CDH18: variants seen among roughly 807,000 people sequenced by gnomAD.
CDH18 encodes cadherin 18, also known as cadherin-18.
CDH18 carries 31 observed loss-of-function variants against 67.9 expected under a neutral mutation model. That is an observed-to-expected ratio of 0.46 (90% CI 0.34 to 0.62). CDH18 has a LOEUF of 0.62. Ranked by LOEUF, CDH18 falls within the 20% of genes least tolerant of loss-of-function variation. The pLI is 0.01. For synonymous variants in CDH18, 362 were observed against 347.2 expected (o/e 1.04, Z -0.48); for missense variants, 890 against 975.5 (o/e 0.91, Z 1.17).
intron 11 of CDH18, among the ~76,000 whole-genome samples, chr5:19,494,738 AT>A (rs1742008122): frequency 6.6e-6 from 1 of 152,206 alleles, no homozygotes. Flanking sequence ...TTCCTCCAAC[AT>A]AGTAAGGGAT....
intron 2 of CDH18, among the ~76,000 whole-genome samples, chr5:19,969,307 C>T (rs1443042690): frequency 7.1e-6 from 1 of 141,520 alleles, no homozygotes; most frequent in Non-Finnish European, 1.5e-5. Flanking sequence ...GGATCTAGAA[C>T]TAGAAATACC....
chr5:20,127,718 G>A lies in CDH18; in HGVS notation c.-518+127726C>T, dbSNP rs1459945703. On this transcript the variant is annotated intron_variant, in intron 2 of 14. Transcript: ENST00000507958. ...CAAATGGGTAGCTGCTGTTCAGTGA[G>A]TATAAAGTTTCAATCATGCAAGATG... Among the ~76,000 whole-genome samples the A allele has an allele frequency of 1.3e-5, 2 of 152,098 alleles. 1 individual carries two copies. Among genetic ancestry groups the A allele is most frequent in the African/African-American group, 4.8e-5 (2 of 41,382 alleles).
At chr5:19,710,633 C>T (rs1374793663) in intron 5 of CDH18, among the ~76,000 whole-genome samples, 1 of 151,774 alleles carries the variant, frequency 6.6e-6, no homozygotes, top group Non-Finnish European at 1.5e-5. Flanking sequence ...ATAGAAGTAG[C>T]AAAATAAAAA....
At chr5:20,448,045 G>A (rs1045597443) in intron 1 of CDH18, among the ~76,000 whole-genome samples, 5 of 151,528 alleles carry the variant, frequency 3.3e-5, no homozygotes, top group African/African-American at 1.2e-4. Flanking sequence ...AATGCTATCC[G>A]TCCCCTCTCC....
intron 1 of CDH18, among the ~76,000 whole-genome samples, chr5:20,444,440 G>A (rs535286868): frequency 6.6e-6 from 1 of 152,302 alleles, no homozygotes; most frequent in East Asian, 1.9e-4. Flanking sequence ...GGAGGCTGAT[G>A]AGGGGAAAAT....
chr5:19,857,591 A>G (rs1581670827), intron 2 of CDH18, among the ~76,000 whole-genome samples: 1 of 152,148 alleles, frequency 6.6e-6, no homozygotes, highest in Non-Finnish European at 1.5e-5. Flanking sequence ...TCAGACTAGT[A>G]GGGAAGTAGC....
At chr5:20,525,046 T>C (rs1755967335) in intron 1 of CDH18, among the ~76,000 whole-genome samples, 2 of 152,188 alleles carry the variant, frequency 1.3e-5, no homozygotes, top group Non-Finnish European at 2.9e-5. Context: ...GCGAACTTAT[T>C]CCCTGTTTAG....
At chr5:20,095,392 G>GA (rs1745839859) in intron 2 of CDH18, among the ~76,000 whole-genome samples, 1 of 64,126 alleles carries the variant, frequency 1.6e-5, no homozygotes, top group Non-Finnish European at 3.0e-5. Context: ...AAGAGAAACA[G>GA]AAGAAAGAAA....
At chr5:20,363,763 G>A (rs1035743032) in intron 1 of CDH18, among the ~76,000 whole-genome samples, 33 of 150,880 alleles carry the variant, frequency 2.2e-4, no homozygotes, top group Admixed American at 1.9e-3. Flanking sequence ...GCATTGGTAA[G>A]TATCTGTATT....
intron 2 of CDH18, among the ~76,000 whole-genome samples, chr5:20,203,901 G>A (rs779935482): frequency 1.3e-5 from 2 of 151,842 alleles, no homozygotes; most frequent in Non-Finnish European, 2.9e-5. Context: ...GGATCAAGCA[G>A]AGCAAATAAT....
intron 1 of CDH18, among the ~76,000 whole-genome samples, chr5:20,379,919 A>G (rs1417920377): frequency 3.3e-5 from 5 of 152,124 alleles, no homozygotes; most frequent in East Asian, 1.9e-4. Context: ...GGCCTTCTAG[A>G]TAGACACTAA....
chr5:19,978,285 G>C (rs962327288), intron 2 of CDH18, among the ~76,000 whole-genome samples: 8 of 151,986 alleles, frequency 5.3e-5, no homozygotes, highest in Admixed American at 5.3e-4. Flanking sequence ...CCTTCTTTTT[G>C]AGGCAACTAG....
At position 19,826,893 on chromosome 5, in the gene CDH18, G is replaced by T. The variant is rs1156257510; in HGVS notation, c.228+11866C>A. ...ACCTGCACATATCAATATTAACCTCGAATGTAAATGGGCTGAATGTCCCAG... is the reference window on the plus strand; with the variant it reads ...ACCTGCACATATCAATATTAACCTCTAATGTAAATGGGCTGAATGTCCCAG... On this transcript the variant is annotated intron_variant, in intron 3 of 12. Coordinates refer to ENST00000382275, the MANE Select transcript of CDH18 (RefSeq NM_004934.5). Among the ~76,000 whole-genome samples, 6 of 152,130 alleles carry T rather than the reference G, an allele frequency of 3.9e-5. No homozygotes were observed. In the South Asian group the frequency reaches 1.0e-3, roughly 26 times the overall value.
chr5:19,691,976 A>G (rs1761950917), intron 5 of CDH18, among the ~76,000 whole-genome samples: 1 of 152,058 alleles, frequency 6.6e-6, no homozygotes, highest in South Asian at 2.1e-4. Flanking sequence ...CTGACTTCAG[A>G]ATATATTACA....
Position 20,546,010 on chromosome 5 carries a change from A to T in CDH18, c.-580+29452T>A, listed in dbSNP as rs185008652. On this transcript the variant is annotated intron_variant, in intron 1 of 14. Coordinates refer to the CDH18 transcript ENST00000507958. Reference sequence around the variant, plus strand: ...TATCTTGAATGCTTTGCTGCTTAGAAATTTCTTCCACTAGATACACTACAT... The same window carrying T: ...TATCTTGAATGCTTTGCTGCTTAGATATTTCTTCCACTAGATACACTACAT... Among the ~76,000 whole-genome samples the T allele has an allele frequency of 6.6e-4, 101 of 152,230 alleles. No individual in the cohort carries two copies. In the East Asian group the frequency reaches 8.7e-3, roughly 13 times the overall value.
chr5:19,472,970 C>T lies in CDH18; in HGVS notation c.*256G>A, dbSNP rs548829528. Reference sequence around the variant, plus strand: ...CAGGTATTCTTAATAAACAGTACCACAGACTTTATTGAGCAATTGAAAATA... The same window carrying T: ...CAGGTATTCTTAATAAACAGTACCATAGACTTTATTGAGCAATTGAAAATA... On this transcript the variant is annotated 3_prime_UTR_variant, in exon 13 of 13. Coordinates refer to ENST00000382275, the MANE Select transcript of CDH18 (RefSeq NM_004934.5). 1 of 395,134 alleles carries T rather than the reference C, an allele frequency of 2.5e-6. No homozygotes were observed. Among genetic ancestry groups the T allele is most frequent in the South Asian group, 3.9e-5 (1 of 25,460 alleles). 24.5% of individuals were successfully genotyped at this position (395,134 alleles called of 1,614,324 possible). A position where few individuals can be genotyped will look rare whatever the true frequency, so the allele number is the denominator to read the frequency against.
intron 1 of CDH18, among the ~76,000 whole-genome samples, chr5:20,465,336 C>G (rs1751563865): frequency 6.6e-6 from 1 of 152,046 alleles, no homozygotes. Context: ...GCATGATCAA[C>G]ATCAGGAACA....
intron 9 of CDH18, among the ~76,000 whole-genome samples, chr5:19,541,562 C>T (rs2127063669): frequency 6.6e-6 from 1 of 152,284 alleles, no homozygotes; most frequent in Middle Eastern, 3.4e-3. Context: ...GACTTAGTTT[C>T]ACATGGCTGG....
chr5:20,417,583 G>C (rs911599453), intron 1 of CDH18, among the ~76,000 whole-genome samples: 3 of 152,260 alleles, frequency 2.0e-5, no homozygotes, highest in Non-Finnish European at 2.9e-5. Context: ...ATCAGAGGAA[G>C]GGATTCCTTT....
Sources: gnomAD v4.1 joint callset for allele counts (sites outside exome capture counted in the v4.1 genomes callset) on GRCh38, gnomAD v4.1.1 for gene constraint, MANE v1.5 for transcripts, NCBI Gene and HGNC (gene_info 2026-07-23, HGNC 2026-07-21) for gene names.